The following CGB7 variants were observed in gnomAD, a reference collection of about 807,000 sequenced individuals.
CGB7 encodes the protein chorionic gonadotropin subunit beta 7.
A neutral mutation model predicts 7.3 loss-of-function variants in CGB7; 6 were observed. The ratio of observed to expected loss-of-function variants is 0.82; its 90% CI spans 0.45 to 1.62. The LOEUF is 1.62. Ranked by LOEUF, CGB7 falls within the 40% of genes most tolerant of loss-of-function variation. CGB7 has a pLI of 0.01. For missense variants in CGB7, 114 were observed against 236.2 expected (o/e 0.48, Z 3.39); for synonymous variants, 47 against 100.8 (o/e 0.47, Z 3.20).
At chr19:49,055,190 G>A (rs33949355) in intron 3 of CGB7, 171 bp downstream of exon 3, 523,099 of 982,340 alleles carry the variant, frequency 0.53, 140,912 homozygotes, top group African/African-American at 0.62. Flanking sequence ...GACCTGAGAT[G>A]CCCCAACATT....
In CGB7 at chr19:49,055,352, C is replaced by A. The variant is rs778230523; in HGVS notation, c.15+9G>T. 2 of 1,613,056 alleles carry A rather than the reference C, an allele frequency of 1.2e-6. No homozygotes were observed. The highest frequency in any genetic ancestry group is 3.3e-5 in the Admixed American group (2 of 60,006). On this transcript the variant is annotated intron_variant, in intron 3 of 4. Coordinates refer to ENST00000684222, the MANE Select transcript of CGB7 (RefSeq NM_001385261.1). ...AGGTGGAAGGTGCCCAGGGGCCCTG[C>A]AGTCTTACCTGGAACATCTCCATCC...
Position 49,054,286 on chromosome 19 carries a change from A to C in CGB7, c.*5T>G. 6.2e-7 allele frequency: 1 copy of C among 1,605,786 alleles called. No individual in the cohort carries two copies. Among genetic ancestry groups the C allele is most frequent in the Non-Finnish European group, 8.5e-7 (1 of 1,176,520 alleles). On this transcript the variant is annotated 3_prime_UTR_variant, in exon 5 of 5. Transcript: ENST00000684222. ...GACACCGCCAGAGTGCGGATTGAGA[A>C]GCCTTTATTGTGGGAGGATCGGGGT...
In CGB7 at chr19:49,057,268, G is replaced by T. The variant is rs571896618; in HGVS notation, c.-1348-20C>A. The T allele has an allele frequency of 3.4e-5, 52 of 1,527,450 alleles. No individual in the cohort carries two copies. Among genetic ancestry groups the T allele is most frequent in the Non-Finnish European group, 4.4e-5 (50 of 1,141,876 alleles). 94.6% of individuals were successfully genotyped at this position (1,527,450 alleles called of 1,614,324 possible). A position where few individuals can be genotyped will look rare whatever the true frequency, so the allele number is the denominator to read the frequency against. ...TAGAGCCTGAGCAAGATTGGGGGAG[G>T]AGGCATACCCAAGACATAGATTTCA... On this transcript the variant is annotated intron_variant, in intron 1 of 4. Coordinates refer to ENST00000684222, the MANE Select transcript of CGB7 (RefSeq NM_001385261.1).
In CGB7 at chr19:49,056,281, C is replaced by T. The variant is rs1323167234; in HGVS notation, c.-906G>A. The stretch of plus-strand genomic sequence containing the variant: ...TGGCCCGGCAGGCTCCCACTAGCCC[C>T]GGCTTACAGCGGCCTGAGCGGGAGT... On this transcript the variant is annotated 5_prime_UTR_variant, in exon 3 of 5. Coordinates refer to ENST00000684222, the MANE Select transcript of CGB7 (RefSeq NM_001385261.1). 4 of 1,291,486 alleles carry T rather than the reference C, an allele frequency of 3.1e-6. No individual in the cohort carries two copies. Among genetic ancestry groups the T allele is most frequent in the Admixed American group, 2.3e-5 (1 of 43,652 alleles). 80.0% of individuals were successfully genotyped at this position (1,291,486 alleles called of 1,614,324 possible).
chr19:49,056,187 A>T lies in CGB7; in HGVS notation c.-812T>A. 1 of 1,269,590 alleles carries T rather than the reference A, an allele frequency of 7.9e-7. No homozygotes were observed. Among genetic ancestry groups the T allele is most frequent in the Non-Finnish European group, 1.0e-6 (1 of 977,052 alleles). The allele number at this position is 1,269,590 out of a possible 1,614,324, so 78.6% of individuals were successfully genotyped here. ...GAGTGCGAGCCCACCTAGGTCCGAC[A>T]CCGCGTAGTGAGCGGCTGCCCAGAG... On this transcript the variant is annotated 5_prime_UTR_variant, in exon 3 of 5. Coordinates refer to ENST00000684222, the MANE Select transcript of CGB7 (RefSeq NM_001385261.1).
In CGB7 at chr19:49,055,269, C is replaced by G; in HGVS notation, c.15+92G>C. On this transcript the variant is annotated intron_variant, in intron 3 of 4. Coordinates refer to ENST00000684222, the MANE Select transcript of CGB7 (RefSeq NM_001385261.1). ...GGGGTCACGCTCCTCCAGAAAGAGG[C>G]GTCCTTCCACAGCTCACACTGGTCT... The G allele has an allele frequency of 3.7e-6, 6 of 1,606,846 alleles. No individual in the cohort carries two copies. In the South Asian group the frequency reaches 4.4e-5, roughly 12 times the overall value.
In CGB7 at chr19:49,056,981, T is replaced by C. The variant is rs1052672165; in HGVS notation, c.-1221+140A>G. 1.4e-5 allele frequency: 13 copies of C among 899,728 alleles called. No homozygotes were observed. In the African/African-American group the frequency reaches 1.8e-4, roughly 13 times the overall value. 55.7% of individuals were successfully genotyped at this position (899,728 alleles called of 1,614,324 possible). A position where few individuals can be genotyped will look rare whatever the true frequency, so the allele number is the denominator to read the frequency against. ...GTGCTAAAAGAGGGAGGGGCTGGGGTCTGAACTGTGGTTGTTGCTGCTATA... is the reference window on the plus strand; with the variant it reads ...GTGCTAAAAGAGGGAGGGGCTGGGGCCTGAACTGTGGTTGTTGCTGCTATA... On this transcript the variant is annotated intron_variant, in intron 2 of 4. Transcript: ENST00000684222.
chr19:49,055,709 G>T lies in CGB7; in HGVS notation c.-334C>A. ...GCCTATGGTGGGGTCTTGGGAACCA[G>T]GAGGAGGCCGTGACCCGAGAAAGGT... is the stretch of plus-strand genomic sequence containing the variant. On this transcript the variant is annotated 5_prime_UTR_variant, in exon 3 of 5. It adds an upstream start codon to the 5' untranslated region. Transcript: ENST00000684222. The T allele has an allele frequency of 7.8e-7, 1 of 1,287,168 alleles. No homozygotes were observed. The highest frequency in any genetic ancestry group is 9.9e-7 in the Non-Finnish European group (1 of 1,008,076). The allele number at this position is 1,287,168 out of a possible 1,614,324, so 79.7% of individuals were successfully genotyped here. A position where few individuals can be genotyped will look rare whatever the true frequency, so the allele number is the denominator to read the frequency against.
rs1357603629 is a variant in CGB7, at chr19:49,054,898, G to A, written c.126C>T (p.Gly42=). The A allele has an allele frequency of 6.3e-7, 1 of 1,590,716 alleles. No individual in the cohort carries two copies. The highest frequency in any genetic ancestry group is 1.4e-5 in the African/African-American group (1 of 71,346). ...INATLAVEKE[G]CPVCITVNTT... is the part of the protein sequence containing the mutation. ...TGTTGACGGTGATGCACACGGGGCA[G>A]CCCTCCTTCTCCACAGCCAGGGTGG... The change falls in exon 4 of 5, where the codon GGC becomes GGT. Residue 42 remains glycine (G), a synonymous_variant. Coordinates refer to ENST00000684222, the MANE Select transcript of CGB7 (RefSeq NM_001385261.1).
At position 49,054,294 on chromosome 19, in the gene CGB7, T is replaced by G. The variant is rs1180527687; in HGVS notation, c.495A>C (p.Gln165His). 6.2e-7 allele frequency: 1 copy of G among 1,605,204 alleles called. No homozygotes were observed. Among genetic ancestry groups the G allele is most frequent in the South Asian group, 1.1e-5 (1 of 89,234 alleles). Residue 165 changes from glutamine to histidine, a missense_variant, in exon 5 of 5, where the codon CAA becomes CAC. Gln to His is a conservative substitution (Grantham distance 24). Transcript: ENST00000684222. ...CAGAGTGCGGATTGAGAAGCCTTTA[T>G]TGTGGGAGGATCGGGGTGTCTGAGG... is the stretch of plus-strand genomic sequence containing the variant. Reference protein sequence around the residue: ...PGPSDTPILPQ With the variant: ...PGPSDTPILPH
In CGB7 at chr19:49,056,104, C is replaced by G; in HGVS notation, c.-729G>C. 8.5e-7 allele frequency: 1 copy of G among 1,182,646 alleles called. No homozygotes were observed. The highest frequency in any genetic ancestry group is 1.1e-6 in the Non-Finnish European group (1 of 936,258). 73.3% of individuals were successfully genotyped at this position (1,182,646 alleles called of 1,614,324 possible). ...CTTAGTCCCTTCCCCGCGATCCAGC[C>G]GCAGCTGAGTGGGCGTGTCTGGGCT... On this transcript the variant is annotated 5_prime_UTR_variant, in exon 3 of 5. Coordinates refer to ENST00000684222, the MANE Select transcript of CGB7 (RefSeq NM_001385261.1).
At chr19:49,055,044 C>G in intron 3 of CGB7, 36 bp from the exon 4 acceptor site, 3 of 1,601,232 alleles carry the variant, frequency 1.9e-6, no homozygotes, top group Non-Finnish European at 2.5e-6. Flanking sequence ...GGGCCTGAGA[C>G]CACAGCCCTG....
Position 49,056,247 on chromosome 19 carries a change from G to A in CGB7, c.-872C>T. 1 of 1,289,778 alleles carries A rather than the reference G, an allele frequency of 7.8e-7. No individual in the cohort carries two copies. The highest frequency in any genetic ancestry group is 1.0e-6 in the Non-Finnish European group (1 of 989,030). 79.9% of individuals were successfully genotyped at this position (1,289,778 alleles called of 1,614,324 possible). ...GCCCCCACGCCAGGGGGCGTGTCTG[G>A]GGTGGGGCTGGCCCGGCAGGCTCCC... On this transcript the variant is annotated 5_prime_UTR_variant, in exon 3 of 5. Coordinates refer to ENST00000684222, the MANE Select transcript of CGB7 (RefSeq NM_001385261.1).
chr19:49,055,384 C>T lies in CGB7; in HGVS notation c.-9G>A, dbSNP rs369792222. On this transcript the variant is annotated 5_prime_UTR_variant, in exon 3 of 5. Coordinates refer to ENST00000684222, the MANE Select transcript of CGB7 (RefSeq NM_001385261.1). ...ACCTGGAACATCTCCATCCTTGGTG[C>T]GTCCCCTGCCTGGTGTACCTGGCTT... The T allele has an allele frequency of 6.3e-4, 1,013 of 1,613,452 alleles. No homozygotes were observed. The highest frequency in any genetic ancestry group is 7.9e-4 in the Non-Finnish European group (933 of 1,179,768).
rs2040048047 is a variant in CGB7, at chr19:49,055,517, G to GC, written c.-143dup. On this transcript the variant is annotated 5_prime_UTR_variant, in exon 3 of 5. Transcript: ENST00000684222. ...GCGAGAAGTAGACAAGGCCAGGGAGGCACAGGAGTGGCTCAGCGGAGCACC... is the reference window on the plus strand; with the variant it reads ...GCGAGAAGTAGACAAGGCCAGGGAGGCCACAGGAGTGGCTCAGCGGAGCACC... 2 of 1,590,146 alleles carry GC rather than the reference G, an allele frequency of 1.3e-6. No homozygotes were observed. Among genetic ancestry groups the GC allele is most frequent in the Admixed American group, 3.4e-5 (2 of 58,810 alleles).
rs889950571 is a variant in CGB7, at chr19:49,055,808, G to T, written c.-433C>A. Reference sequence around the variant, plus strand: ...CAGTCCAACCTAACAGGAGGGGCGCGGCTTCGGACTTAGCTTCTGCCCAGT... The same window carrying T: ...CAGTCCAACCTAACAGGAGGGGCGCTGCTTCGGACTTAGCTTCTGCCCAGT... On this transcript the variant is annotated 5_prime_UTR_variant, in exon 3 of 5. Transcript: ENST00000684222. 5 of 1,094,596 alleles carry T rather than the reference G, an allele frequency of 4.6e-6. No homozygotes were observed. Among genetic ancestry groups the T allele is most frequent in the Non-Finnish European group, 4.5e-6 (4 of 893,576 alleles). 67.8% of individuals were successfully genotyped at this position (1,094,596 alleles called of 1,614,324 possible). A position where few individuals can be genotyped will look rare whatever the true frequency, so the allele number is the denominator to read the frequency against.
Position 49,056,222 on chromosome 19 carries a change from G to GC in CGB7, c.-848dup. ...GAGCGGCTGCCCAGAGCTCTGCTCCGCCCCCACGCCAGGGGGCGTGTCTGG... is the reference window on the plus strand; with the variant it reads ...GAGCGGCTGCCCAGAGCTCTGCTCCGCCCCCCACGCCAGGGGGCGTGTCTGG... On this transcript the variant is annotated 5_prime_UTR_variant, in exon 3 of 5. The change abolishes the stop of an existing upstream ORF in the 5' untranslated region. Transcript: ENST00000684222. The GC allele has an allele frequency of 7.8e-7, 1 of 1,286,876 alleles. No individual in the cohort carries two copies. Among genetic ancestry groups the GC allele is most frequent in the Non-Finnish European group, 1.0e-6 (1 of 987,538 alleles). The allele number at this position is 1,286,876 out of a possible 1,614,324, so 79.7% of individuals were successfully genotyped here. A position where few individuals can be genotyped will look rare whatever the true frequency, so the allele number is the denominator to read the frequency against.
At position 49,055,832 on chromosome 19, in the gene CGB7, G is replaced by A. The variant is rs143462803; in HGVS notation, c.-457C>T. ...CGGCTTCGGACTTAGCTTCTGCCCAGTGAGAGAGGGTCTCCCCGTGACTGT... is the reference window on the plus strand; with the variant it reads ...CGGCTTCGGACTTAGCTTCTGCCCAATGAGAGAGGGTCTCCCCGTGACTGT... On this transcript the variant is annotated 5_prime_UTR_variant, in exon 3 of 5. Transcript: ENST00000684222. 15,264 of 1,084,312 alleles carry A rather than the reference G, an allele frequency of 0.014. 164 individuals carry two copies. Among genetic ancestry groups the A allele is most frequent in the Non-Finnish European group, 0.016 (14,018 of 887,354 alleles). 67.2% of individuals were successfully genotyped at this position (1,084,312 alleles called of 1,614,324 possible). A position where few individuals can be genotyped will look rare whatever the true frequency, so the allele number is the denominator to read the frequency against.
Position 49,056,173 on chromosome 19 carries a change from C to T in CGB7, c.-798G>A. On this transcript the variant is annotated 5_prime_UTR_variant, in exon 3 of 5. Coordinates refer to ENST00000684222, the MANE Select transcript of CGB7 (RefSeq NM_001385261.1). ...CGGATAGACTTAATGAGTGCGAGCC[C>T]ACCTAGGTCCGACACCGCGTAGTGA... 1.6e-6 allele frequency: 2 copies of T among 1,257,658 alleles called. No individual in the cohort carries two copies. The highest frequency in any genetic ancestry group is 2.1e-6 in the Non-Finnish European group (2 of 971,116). The allele number at this position is 1,257,658 out of a possible 1,614,324, so 77.9% of individuals were successfully genotyped here. A position where few individuals can be genotyped will look rare whatever the true frequency, so the allele number is the denominator to read the frequency against.
Sources: gnomAD v4.1 joint callset for allele counts on GRCh38, gnomAD v4.1.1 for gene constraint, MANE v1.5 for transcripts, NCBI Gene and HGNC (gene_info 2026-07-23, HGNC 2026-07-21) for gene names.